The following RGL3 variants were observed in gnomAD, a reference collection of about 807,000 sequenced individuals.
RGL3 encodes the protein ral guanine nucleotide dissociation stimulator-like 3.
A neutral mutation model predicts 90.6 loss-of-function variants in RGL3; 85 were observed. That is an observed-to-expected ratio of 0.94 (90% confidence interval 0.79 to 1.12). RGL3 has a LOEUF of 1.12. Among genes scored for constraint, RGL3 ranks in the 50% most tolerant of loss-of-function variants. The pLI, the probability that RGL3 is intolerant of heterozygous loss-of-function variation, is 0.00. For missense variants in RGL3, 1,034 were observed against 939.2 expected (o/e 1.10, Z -1.32); for synonymous variants, 408 against 385.5 (o/e 1.06, Z -0.68).
chr19:11,402,739 G>C (rs756316063), intron 9 of RGL3, 33 bp from the exon 10 acceptor site: 23 of 1,590,866 alleles, frequency 1.4e-5, no homozygotes, highest in Non-Finnish European at 1.9e-5. Context: ...CCAGGTCTGG[G>C]GTCTCCTTGG....
At chr19:11,406,908 G>A (rs373277976) in intron 5 of RGL3, 44 bp from the exon 6 acceptor site, 2 of 1,584,466 alleles carry the variant, frequency 1.3e-6, no homozygotes, top group African/African-American at 1.3e-5. Context: ...TTGAATCCAA[G>A]ACTGGCTGTG....
At chr19:11,397,846 T>C in intron 16 of RGL3, 1 of 292,760 alleles carries the variant, frequency 3.4e-6, no homozygotes, top group East Asian at 6.4e-5. Context: ...CCGTCTCTAC[T>C]AAAAATACAA....
Position 11,402,093 on chromosome 19 carries a change from G to A in RGL3, c.1402C>T (p.Arg468Cys), listed in dbSNP as rs200877046. The change falls in exon 13 of 19, where the codon CGC (arginine) becomes TGC (cysteine). Residue 468 changes from arginine to cysteine, a missense_variant. Transcript: ENST00000380456. The stretch of plus-strand genomic sequence containing the variant: ...GGGCTCAGGGTGTAGCTCTGACAGC[G>A]CCTCTGCAGCTGCTGGATGCGGGCC... ...ILARIQQLQRRCQSYTLSPHP... is the reference protein window; with the variant it reads ...ILARIQQLQRCCQSYTLSPHP... 800 of 1,596,968 alleles carry A rather than the reference G, an allele frequency of 5.0e-4. 9 individuals carry two copies. Among genetic ancestry groups the A allele is most frequent in the South Asian group, 4.6e-3 (407 of 87,542 alleles).
At chr19:11,419,146 T>A in intron 1 of RGL3, 100 bp downstream of exon 1, 1 of 1,338,238 alleles carries the variant, frequency 7.5e-7, no homozygotes. Context: ...CAGGGCAAGT[T>A]CAGATTGGGA....
chr19:11,396,158 ATTTTTTTTTTTTTT>A (rs1169850022), intron 18 of RGL3, among the ~76,000 whole-genome samples: 1 of 25,628 alleles, frequency 3.9e-5, no homozygotes, highest in Non-Finnish European at 6.7e-5. Flanking sequence ...ATATATATAT[ATTTTTTTTTTTTTT>A]TTTTTTTTTT....
At chr19:11,418,854 C>T in intron 1 of RGL3, 70 bp from the exon 2 acceptor site, 1 of 1,276,012 alleles carries the variant, frequency 7.8e-7, no homozygotes, top group Non-Finnish European at 1.1e-6. Context: ...CTTGGCCGCT[C>T]GGACTCGGGC....
chr19:11,394,198 C>CA lies in RGL3; in HGVS notation c.*203dup. On this transcript the variant is annotated 3_prime_UTR_variant, in exon 19 of 19. Transcript: ENST00000380456. ...ACATTTATGGGATTGAGCTCTCCAC[C>CA]AGCCACCCATGGGCTGATGTCTTTG... 1 of 555,050 alleles carries CA rather than the reference C, an allele frequency of 1.8e-6. No individual in the cohort carries two copies. The highest frequency in any genetic ancestry group is 3.3e-6 in the Non-Finnish European group (1 of 304,756). 34.4% of individuals were successfully genotyped at this position (555,050 alleles called of 1,614,324 possible). A position where few individuals can be genotyped will look rare whatever the true frequency, so the allele number is the denominator to read the frequency against.
Position 11,416,080 on chromosome 19 carries a change from TG to T in RGL3, c.493del (p.His165IlefsTer91). The T allele has an allele frequency of 6.2e-7, 1 of 1,611,174 alleles. No individual in the cohort carries two copies. The highest frequency in any genetic ancestry group is 8.5e-7 in the Non-Finnish European group (1 of 1,179,008). ...HPQDFRDHPAHSDLGSVRTFL... is the reference protein window; with the variant it reads ...HPQDFRDHPAXSDLGSVRTFL... ...GGTTCGGACACTGCCCAGGTCCGAATGGGCAGGGTGGTCTCGGAAATCCTGA... is the reference window on the plus strand; with the variant it reads ...GGTTCGGACACTGCCCAGGTCCGAATGGCAGGGTGGTCTCGGAAATCCTGA... On this transcript the variant is annotated frameshift_variant, in exon 5 of 19. Transcript: ENST00000380456. LOFTEE classifies it high-confidence loss of function.
chr19:11,413,995 G>A (rs1233377156), intron 5 of RGL3, among the ~76,000 whole-genome samples: 4 of 148,704 alleles, frequency 2.7e-5, no homozygotes, highest in South Asian at 2.1e-4. Context: ...ATCCGCCCCC[G>A]TCGGCCTCCC....
rs181063829 is a variant in RGL3 at position 11,415,913 on chromosome 19, C to T, written c.637+24G>A. The T allele has an allele frequency of 2.7e-4, 437 of 1,593,386 alleles. 1 individual carries two copies. In the African/African-American group the frequency reaches 3.5e-3, roughly 13 times the overall value. ...AGACAGGAAAGGCCTTCTCAGAACACGACTGGATCTGAAAACCCCTCACCT... is the reference window on the plus strand; with the variant it reads ...AGACAGGAAAGGCCTTCTCAGAACATGACTGGATCTGAAAACCCCTCACCT... On this transcript the variant is annotated intron_variant, in intron 5 of 18. Transcript: ENST00000380456.
rs1968784907 is a variant in RGL3 at position 11,406,556 on chromosome 19, C to G, written c.859G>C (p.Ala287Pro). Residue 287 changes from alanine (A) to proline (P), a missense_variant, in exon 7 of 19, where the codon GCC becomes CCC. Coordinates refer to ENST00000380456, the MANE Select transcript of RGL3 (RefSeq NM_001035223.4). Reference sequence around the variant, plus strand: ...ACGGTGGCGCGCACAGTGGGGGAGGCGCCTGCAGCCCCCGGCCGGTCCCTC... The same window carrying G: ...ACGGTGGCGCGCACAGTGGGGGAGGGGCCTGCAGCCCCCGGCCGGTCCCTC... ...SQRDRPGAAG[A>P]SPTVRATVAQ... 1 of 1,550,014 alleles carries G rather than the reference C, an allele frequency of 6.5e-7. No individual in the cohort carries two copies. Among genetic ancestry groups the G allele is most frequent in the Non-Finnish European group, 8.7e-7 (1 of 1,147,608 alleles).
chr19:11,398,876 G>A, intron 16 of RGL3, among the ~76,000 whole-genome samples: 1 of 151,188 alleles, frequency 6.6e-6, no homozygotes, highest in East Asian at 2.0e-4. Flanking sequence ...TCACCACGTT[G>A]GCCAGGATGG....
chr19:11,413,731 A>G (rs957944410), intron 5 of RGL3, among the ~76,000 whole-genome samples: 2 of 148,522 alleles, frequency 1.3e-5, no homozygotes, highest in African/African-American at 4.9e-5. Flanking sequence ...ATTAATTATT[A>G]TTATAATTTT....
intron 5 of RGL3, 56 bp from the exon 6 acceptor site, chr19:11,406,920 G>T: frequency 6.5e-7 from 1 of 1,539,970 alleles, no homozygotes; most frequent in Non-Finnish European, 8.9e-7. Flanking sequence ...CTGGCTGTGT[G>T]ACCTTGGGTG....
intron 18 of RGL3, among the ~76,000 whole-genome samples, chr19:11,395,099 A>C (rs537992605): frequency 1.6e-3 from 241 of 151,700 alleles, no homozygotes; most frequent in African/African-American, 5.6e-3. Flanking sequence ...TCTCAAAAAA[A>C]AAAAAACAAA....
chr19:11,413,534 C>CAAA (rs1291598746), intron 5 of RGL3, among the ~76,000 whole-genome samples: 7 of 31,218 alleles, frequency 2.2e-4, no homozygotes, highest in African/African-American at 5.1e-4. Context: ...GGCTCCGTCT[C>CAAA]AAAAAAAAAA....
At chr19:11,398,673 T>C (rs528202762) in intron 16 of RGL3, among the ~76,000 whole-genome samples, 9 of 151,098 alleles carry the variant, frequency 6.0e-5, no homozygotes, top group African/African-American at 2.2e-4. Flanking sequence ...CTTTTCTTTT[T>C]TTGTTTTTCT....
chr19:11,407,493 CA>C, intron 5 of RGL3, among the ~76,000 whole-genome samples: 1 of 152,072 alleles, frequency 6.6e-6, no homozygotes, highest in East Asian at 1.9e-4. Context: ...GCCGGGTACT[CA>C]AAGGCCAGAG....
intron 2 of RGL3, 94 bp from the exon 3 acceptor site, chr19:11,417,153 T>TG (rs1302070980): frequency 5.1e-6 from 5 of 984,712 alleles, no homozygotes; most frequent in Non-Finnish European, 7.3e-6. Flanking sequence ...ACTCTTTTTT[T>TG]TTTTGTTTTT....
Sources: allele counts gnomAD v4.1 joint callset (sites outside exome capture counted in the v4.1 genomes callset), GRCh38; gene constraint gnomAD v4.1.1; transcripts MANE v1.5; gene names NCBI Gene and HGNC (gene_info 2026-07-23, HGNC 2026-07-21).